Variants in HLCS observed in about 807,000 individuals in gnomAD.
HLCS encodes biotin--protein ligase.
HLCS carries 53 observed loss-of-function variants against 75.0 expected under a neutral mutation model. That is an observed-to-expected ratio of 0.71 (90% CI 0.57 to 0.89). HLCS has a LOEUF of 0.89. Ranked by LOEUF, HLCS falls within the 40% of genes least tolerant of loss-of-function variation. The pLI is 0.00. For synonymous variants in HLCS, 431 were observed against 428.6 expected, an observed-to-expected ratio of 1.01 and a Z score of -0.07; for missense variants, 966 against 1,074.0, an observed-to-expected ratio of 0.90 and a Z score of 1.41.
chr21:36,802,598 C>T (rs1023801066), intron 6 of HLCS, among the ~76,000 whole-genome samples: 1 of 152,174 alleles, frequency 6.6e-6, no homozygotes, highest in Non-Finnish European at 1.5e-5. Context: ...ATTTAGCATC[C>T]AAGCAGATGA....
At chr21:36,803,182 G>A (rs1237498361) in intron 6 of HLCS, among the ~76,000 whole-genome samples, 4 of 152,196 alleles carry the variant, frequency 2.6e-5, no homozygotes, top group African/African-American at 9.7e-5. Flanking sequence ...GTGTGAAGTG[G>A]CTGTCTGGCA....
chr21:36,988,318 C>A (rs892507268), intron 1 of HLCS, among the ~76,000 whole-genome samples: 1 of 149,266 alleles, frequency 6.7e-6, no homozygotes, highest in Non-Finnish European at 1.5e-5. Context: ...TAACACAGTA[C>A]TCTCTGTTTA....
intron 6 of HLCS, among the ~76,000 whole-genome samples, chr21:36,778,646 C>T (rs1235782625): frequency 2.0e-5 from 3 of 152,216 alleles, no homozygotes; most frequent in African/African-American, 4.8e-5. Context: ...TCCATATTCA[C>T]TTGTGAGGTT....
At chr21:36,860,387 G>T (rs1316243581) in intron 6 of HLCS, among the ~76,000 whole-genome samples, 1 of 126,916 alleles carries the variant, frequency 7.9e-6, no homozygotes, top group African/African-American at 2.7e-5. Context: ...CCGCCAGGAA[G>T]TCAGGCTAAT....
chr21:36,796,417 A>G (rs2061026700), intron 6 of HLCS, among the ~76,000 whole-genome samples: 1 of 152,208 alleles, frequency 6.6e-6, no homozygotes, highest in South Asian at 2.1e-4. Context: ...AGTCCAAATG[A>G]TCTATTAGTC....
chr21:36,903,318 A>T (rs1377219748), intron 5 of HLCS, among the ~76,000 whole-genome samples: 1 of 152,176 alleles, frequency 6.6e-6, no homozygotes, highest in African/African-American at 2.4e-5. Context: ...CCCAAACCTC[A>T]AATCTGGCCA....
At chr21:36,813,080 A>T (rs1185056068) in intron 6 of HLCS, among the ~76,000 whole-genome samples, 3 of 152,178 alleles carry the variant, frequency 2.0e-5, no homozygotes, top group Non-Finnish European at 2.9e-5. Flanking sequence ...AAAAGAAAAG[A>T]TCTACCAGAA....
intron 6 of HLCS, among the ~76,000 whole-genome samples, chr21:36,850,190 C>A (rs558793354): frequency 2.0e-5 from 3 of 152,350 alleles, no homozygotes; most frequent in Middle Eastern, 6.8e-3. Flanking sequence ...CCTATAAATA[C>A]ATTAAAAGTG....
At chr21:36,933,135 G>A (rs1018943603) in intron 4 of HLCS, among the ~76,000 whole-genome samples, 41 of 151,968 alleles carry the variant, frequency 2.7e-4, no homozygotes, top group African/African-American at 9.9e-4. Flanking sequence ...TAAAGGTTGA[G>A]GCCAATCAGA....
At chr21:36,948,740 A>G (rs1296905777) in intron 2 of HLCS, among the ~76,000 whole-genome samples, 5 of 149,958 alleles carry the variant, frequency 3.3e-5, no homozygotes, top group Non-Finnish European at 7.4e-5. Context: ...AAAAAAAAAA[A>G]AAAAAAAAAA....
chr21:36,797,236 C>T (rs2061054572), intron 6 of HLCS, among the ~76,000 whole-genome samples: 2 of 152,044 alleles, frequency 1.3e-5, no homozygotes, highest in South Asian at 4.1e-4. Context: ...GTATTTTGTG[C>T]TATGTCTGAA....
At chr21:36,958,020 G>A (rs1280985891) in intron 2 of HLCS, among the ~76,000 whole-genome samples, 1 of 151,608 alleles carries the variant, frequency 6.6e-6, no homozygotes, top group Non-Finnish European at 1.5e-5. Flanking sequence ...AAGGTCAGGA[G>A]ATCGAAACCA....
At chr21:36,884,804 GT>G (rs375399618) in intron 6 of HLCS, among the ~76,000 whole-genome samples, 14 of 152,060 alleles carry the variant, frequency 9.2e-5, no homozygotes, top group Admixed American at 1.3e-4. Flanking sequence ...AACATCTGGG[GT>G]TTTTTTTAGA....
chr21:36,813,800 G>A (rs956538264), intron 6 of HLCS, among the ~76,000 whole-genome samples: 5 of 152,304 alleles, frequency 3.3e-5, no homozygotes, highest in Admixed American at 2.0e-4. Context: ...GTCACAAGCT[G>A]TTTTAGAAAC....
chr21:36,952,528 T>C (rs2067714313), intron 2 of HLCS, among the ~76,000 whole-genome samples: 1 of 152,082 alleles, frequency 6.6e-6, no homozygotes, highest in Non-Finnish European at 1.5e-5. Context: ...GCGCGGTGGC[T>C]CACGCCCGTA....
intron 2 of HLCS, chr21:36,947,326 T>C: frequency 2.0e-6 from 2 of 985,058 alleles, no homozygotes; most frequent in Non-Finnish European, 2.4e-6. Context: ...GCCAACTGTT[T>C]CCTCACCTAA....
intron 6 of HLCS, among the ~76,000 whole-genome samples, chr21:36,823,028 G>A (rs960852769): frequency 1.4e-4 from 22 of 152,272 alleles, no homozygotes; most frequent in East Asian, 3.9e-4. Context: ...TGGACTTCTC[G>A]TGTGTGTTAA....
At chr21:36,968,329 C>T (rs2068693039), upstream of HLCS, among the ~76,000 whole-genome samples, 1 of 152,154 alleles carries the variant, frequency 6.6e-6, no homozygotes, top group African/African-American at 2.4e-5. Context: ...GCCATTTGTT[C>T]ATCTGCTTTA....
intron 6 of HLCS, among the ~76,000 whole-genome samples, chr21:36,821,840 G>A (rs1276750178): frequency 6.6e-6 from 1 of 152,064 alleles, no homozygotes; most frequent in African/African-American, 2.4e-5. Flanking sequence ...TTAAACGCAC[G>A]CCTTTAAAAT....
Sources: allele counts gnomAD v4.1 joint callset (sites outside exome capture counted in the v4.1 genomes callset), GRCh38; gene constraint gnomAD v4.1.1; transcripts MANE v1.5; gene names NCBI Gene and HGNC (gene_info 2026-07-23, HGNC 2026-07-21).